The following TOX2 variants were observed in gnomAD, a reference collection of about 807,000 sequenced individuals.
TOX2 encodes the protein granulosa cell HMG box 1.
TOX2 carries 15 observed loss-of-function variants against 47.4 expected under a neutral mutation model. The observed-to-expected ratio is 0.32, with a 90% CI of 0.21 to 0.49. The LOEUF (loss-of-function observed/expected upper bound fraction) is 0.49, where lower values mean the gene tolerates loss of function less well. Among genes scored for constraint, TOX2 ranks in the 20% least tolerant of loss-of-function variants. The pLI, the probability that TOX2 is intolerant of heterozygous loss-of-function variation, is 0.99. For missense variants in TOX2, 622 were observed against 673.1 expected, an observed-to-expected ratio of 0.92 and a Z score of 0.84; for synonymous variants, 290 against 296.6, an observed-to-expected ratio of 0.98 and a Z score of 0.23.
At chr20:43,931,537 G>T (rs1172058323) in intron 1 of TOX2, among the ~76,000 whole-genome samples, 3 of 152,198 alleles carry the variant, frequency 2.0e-5, no homozygotes, top group Non-Finnish European at 4.4e-5. Context: ...TGGCATCTCT[G>T]ACACTGTGGG....
chr20:44,018,991 CCA>C (rs886888753), intron 3 of TOX2, among the ~76,000 whole-genome samples: 1 of 152,170 alleles, frequency 6.6e-6, no homozygotes, highest in African/African-American at 2.4e-5. Flanking sequence ...GCTGTCTACT[CCA>C]CAGAGTGTGG....
chr20:43,971,517 C>T (rs1272007905), intron 1 of TOX2, among the ~76,000 whole-genome samples: 2 of 152,228 alleles, frequency 1.3e-5, no homozygotes, highest in African/African-American at 4.8e-5. Context: ...GTGTGGATTT[C>T]TACGGCCTCC....
chr20:44,038,340 G>A (rs896104555), intron 3 of TOX2, among the ~76,000 whole-genome samples: 16 of 152,142 alleles, frequency 1.1e-4, no homozygotes, highest in African/African-American at 3.1e-4. Context: ...AGGCTGCAGT[G>A]AGCTGTCATT....
chr20:43,935,927 CAAAAAA>C (rs58300627), intron 1 of TOX2, among the ~76,000 whole-genome samples: 17 of 72,034 alleles, frequency 2.4e-4, no homozygotes, highest in Non-Finnish European at 4.0e-4. Context: ...AACTCCATCC[CAAAAAA>C]AAAAAAAAAA....
At chr20:44,032,111 G>T (rs768720810) in intron 3 of TOX2, among the ~76,000 whole-genome samples, 2 of 152,172 alleles carry the variant, frequency 1.3e-5, no homozygotes, top group Non-Finnish European at 2.9e-5. Context: ...TGCAGTATTG[G>T]GTAGGATGGT....
At chr20:44,029,060 G>A (rs6103571) in intron 3 of TOX2, among the ~76,000 whole-genome samples, 4,325 of 152,086 alleles carry the variant, frequency 0.028, 161 homozygotes, top group African/African-American at 0.081. Context: ...CCCAAGCTTC[G>A]TCCCTTCCTT....
intron 3 of TOX2, among the ~76,000 whole-genome samples, chr20:44,027,016 A>G (rs1031132437): frequency 1.3e-5 from 2 of 152,210 alleles, no homozygotes; most frequent in African/African-American, 2.4e-5. Flanking sequence ...ACGGGTGAGG[A>G]TACAAAATAT....
chr20:43,954,518 A>C lies in TOX2; in HGVS notation c.100-18849A>C, dbSNP rs1263411195. On this transcript the variant is annotated intron_variant, in intron 1 of 8. Transcript: ENST00000341197. ...CCCCAGGAGCTGGTATGAAGGGGGC[A>C]CTCAGCGAACAAACCTCTGCGGAAA... 2.0e-5 allele frequency among the ~76,000 whole-genome samples: 3 copies of C among 152,170 alleles called. No individual in the cohort carries two copies. The East Asian group carries it at 5.8e-4, about 29-fold the overall frequency.
At chr20:44,014,136 A>G (rs1600737526) in intron 3 of TOX2, among the ~76,000 whole-genome samples, 3 of 149,890 alleles carry the variant, frequency 2.0e-5, no homozygotes, top group Admixed American at 2.0e-4. Flanking sequence ...CTCAAAAAAA[A>G]AAAAAAAAAA....
At chr20:43,946,599 G>T (rs6103527) in intron 1 of TOX2, among the ~76,000 whole-genome samples, 7,736 of 152,230 alleles carry the variant, frequency 0.051, 550 homozygotes, top group African/African-American at 0.15. Flanking sequence ...CACCTTTTCC[G>T]TTTGTGAAGT....
At chr20:43,962,328 G>A (rs2069776352) in intron 1 of TOX2, among the ~76,000 whole-genome samples, 1 of 152,220 alleles carries the variant, frequency 6.6e-6, no homozygotes, top group African/African-American at 2.4e-5. Flanking sequence ...GGTGGTCCTG[G>A]GGGCAGAGCT....
chr20:43,996,296 G>A (rs1488029797), intron 2 of TOX2, among the ~76,000 whole-genome samples: 1 of 152,132 alleles, frequency 6.6e-6, no homozygotes, highest in Admixed American at 6.5e-5. Flanking sequence ...TTGCTGGTGC[G>A]GGTTTTACTT....
At chr20:43,944,268 G>T (rs1013741224) in intron 1 of TOX2, among the ~76,000 whole-genome samples, 1 of 152,202 alleles carries the variant, frequency 6.6e-6, no homozygotes, top group Non-Finnish European at 1.5e-5. Context: ...TCAGAGCCTA[G>T]AGAAGAACAA....
intron 1 of TOX2, among the ~76,000 whole-genome samples, chr20:43,962,089 A>G (rs1464309128): frequency 6.6e-6 from 1 of 152,214 alleles, no homozygotes; most frequent in Non-Finnish European, 1.5e-5. Context: ...ACAATCGGGG[A>G]TGGGAGAGAG....
intron 3 of TOX2, among the ~76,000 whole-genome samples, chr20:44,008,156 G>T (rs1193396770): frequency 6.6e-6 from 1 of 152,094 alleles, no homozygotes; most frequent in East Asian, 1.9e-4. Context: ...TTTTTATTGG[G>T]CTGGAGAGGA....
At chr20:44,067,132 C>T (rs540533150) in intron 8 of TOX2, among the ~76,000 whole-genome samples, 1 of 152,226 alleles carries the variant, frequency 6.6e-6, no homozygotes, top group South Asian at 2.1e-4. Context: ...AGTGCTTCCA[C>T]GTGACATTCA....
intron 1 of TOX2, among the ~76,000 whole-genome samples, chr20:43,924,584 A>G (rs1020950728): frequency 2.0e-5 from 3 of 152,190 alleles, no homozygotes; most frequent in South Asian, 2.1e-4. Flanking sequence ...CCCAGCCTCA[A>G]TGCAGGTCAG....
chr20:43,947,834 C>G (rs1466491511), intron 1 of TOX2, among the ~76,000 whole-genome samples: 2 of 152,184 alleles, frequency 1.3e-5, no homozygotes, highest in African/African-American at 4.8e-5. Context: ...TACCTGACGA[C>G]CTGTTTGCTG....
Position 44,054,370 on chromosome 20 carries a change from G to A in TOX2, c.723G>A (p.Lys241=), listed in dbSNP as rs2071580748. The change falls in exon 5 of 9, where the codon AAG becomes AAA. Residue 241 remains lysine (K), a synonymous_variant. Transcript: ENST00000341197. ...AGAACCCGAAGAAGAAGAAAAAGAA[G>A]GACCCCAATGAGCCGCAGAAGCCTG... ...KAKNPKKKKK[K]DPNEPQKPVS... is the part of the protein sequence containing the mutation. 2.5e-6 allele frequency: 4 copies of A among 1,611,898 alleles called. No individual in the cohort carries two copies. The highest frequency in any genetic ancestry group is 3.4e-6 in the Non-Finnish European group (4 of 1,179,444).
Sources: gnomAD v4.1 joint callset for allele counts (sites outside exome capture counted in the v4.1 genomes callset) on GRCh38, gnomAD v4.1.1 for gene constraint, MANE v1.5 for transcripts, NCBI Gene and HGNC (gene_info 2026-07-23, HGNC 2026-07-21) for gene names.